Variants in AK8 observed in about 807,000 individuals in gnomAD.
AK8 encodes the protein ATP-AMP transphosphorylase 8.
A neutral mutation model predicts 54.6 loss-of-function variants in AK8; 44 were observed. The ratio of observed to expected loss-of-function variants is 0.81; its 90% CI spans 0.63 to 1.04. The LOEUF (loss-of-function observed/expected upper bound fraction) is 1.04. AK8 is among the 50% of genes least tolerant of loss of function. AK8 has a pLI of 0.00. For synonymous variants in AK8, 239 were observed against 245.6 expected (o/e 0.97, Z 0.25); for missense variants, 555 against 613.6 (o/e 0.90, Z 1.01).
intron 11 of AK8, among the ~76,000 whole-genome samples, chr9:132,767,643 G>A (rs1308411457): frequency 2.6e-5 from 4 of 152,332 alleles, no homozygotes; most frequent in African/African-American, 9.6e-5. Flanking sequence ...ATATCTAAGA[G>A]ATATCTGCAT....
chr9:132,858,757 GGAGGGGGA>G (rs1409933688), intron 4 of AK8, among the ~76,000 whole-genome samples: 2 of 152,190 alleles, frequency 1.3e-5, no homozygotes, highest in Non-Finnish European at 2.9e-5. Context: ...CTAGAGTTTG[GGAGGGGGA>G]GACAGGAGGG....
Position 132,825,234 on chromosome 9 carries a change from G to A in AK8, c.757+1620C>T, listed in dbSNP as rs1232956098. Among the ~76,000 whole-genome samples the A allele has an allele frequency of 1.3e-5, 2 of 152,166 alleles. 1 individual carries two copies. The highest frequency in any genetic ancestry group is 2.9e-5 in the Non-Finnish European group (2 of 68,038). On this transcript the variant is annotated intron_variant, in intron 8 of 12. Coordinates refer to ENST00000298545, the MANE Select transcript of AK8 (RefSeq NM_152572.3). ...TTATTCTTTTTAAAAATGTGTGGTTGCTGGATGCACTGCAGAGAGATTAGA... is the reference window on the plus strand; with the variant it reads ...TTATTCTTTTTAAAAATGTGTGGTTACTGGATGCACTGCAGAGAGATTAGA...
chr9:132,734,515 C>T (rs1355415411), intron 11 of AK8, among the ~76,000 whole-genome samples: 1 of 152,182 alleles, frequency 6.6e-6, no homozygotes, highest in Non-Finnish European at 1.5e-5. Flanking sequence ...ACAGGAGCAT[C>T]GCTTGAGCTC....
chr9:132,780,425 A>C lies in AK8; in HGVS notation c.1121+12209T>G, dbSNP rs542385639. On this transcript the variant is annotated intron_variant, in intron 11 of 12. Coordinates refer to ENST00000298545, the MANE Select transcript of AK8 (RefSeq NM_152572.3). ...AGCTCTGTTCTCTCTGGCTTTCTGG[A>C]GGAAATGTCTGTGTGGAAGGTCTGT... is the stretch of plus-strand genomic sequence containing the variant. 3.9e-5 allele frequency among the ~76,000 whole-genome samples: 6 copies of C among 152,156 alleles called. No individual in the cohort carries two copies. In the East Asian group the frequency reaches 1.2e-3, roughly 29 times the overall value.
At chr9:132,834,619 C>A (rs1449031824) in intron 5 of AK8, among the ~76,000 whole-genome samples, 1 of 152,160 alleles carries the variant, frequency 6.6e-6, no homozygotes, top group African/African-American at 2.4e-5. Context: ...GAGGTGTGCC[C>A]AGGGCTTTGC....
rs1838922635 is a variant in AK8 at position 132,770,558 on chromosome 9, C to T, written c.1121+22076G>A. 1.3e-5 allele frequency among the ~76,000 whole-genome samples: 2 copies of T among 152,194 alleles called. No individual in the cohort carries two copies. The highest frequency in any genetic ancestry group is 4.8e-5 in the African/African-American group (2 of 41,454). On this transcript the variant is annotated intron_variant, in intron 11 of 12. Transcript: ENST00000298545. This position sits in a 1 kb window ranked among gnomAD's most constrained non-coding sequence, Gnocchi z 4.3. ...GCCCTGCCCCTGGCTGTAACCTGAG[C>T]AGCCCGCGTGAGGGTCAGTGGTGAC...
intron 10 of AK8, among the ~76,000 whole-genome samples, chr9:132,794,811 G>C (rs74511960): frequency 5.9e-5 from 9 of 152,248 alleles, no homozygotes; most frequent in Admixed American, 1.3e-4. Flanking sequence ...CACAAATCCA[G>C]GTCTCATCTC....
chr9:132,828,624 G>A (rs373755904), intron 6 of AK8, 21 bp downstream of exon 6: 179 of 1,603,640 alleles, frequency 1.1e-4, no homozygotes, highest in South Asian at 4.7e-4. Context: ...GGCAGGTGGG[G>A]GACCCTTGGG....
intron 11 of AK8, among the ~76,000 whole-genome samples, chr9:132,774,470 G>C (rs1331626487): frequency 6.6e-6 from 1 of 152,192 alleles, no homozygotes; most frequent in Non-Finnish European, 1.5e-5. Context: ...GAATCTGGCA[G>C]AGGCTCAAGC....
At chr9:132,807,585 G>A (rs1026019174) in intron 10 of AK8, among the ~76,000 whole-genome samples, 13 of 152,202 alleles carry the variant, frequency 8.5e-5, no homozygotes, top group African/African-American at 2.4e-4. Flanking sequence ...AAGAGCCGGC[G>A]TTGTACCATT....
intron 10 of AK8, 30 bp downstream of exon 10, chr9:132,814,608 G>T (rs766958624): frequency 2.5e-6 from 4 of 1,604,422 alleles, no homozygotes; most frequent in Admixed American, 3.4e-5. Context: ...AGCCTGTAAG[G>T]TCATGACAGT....
At chr9:132,752,392 G>A (rs570981928) in intron 11 of AK8, among the ~76,000 whole-genome samples, 1 of 151,852 alleles carries the variant, frequency 6.6e-6, no homozygotes, top group South Asian at 2.1e-4. Context: ...TGGGACTATA[G>A]GCGCCCGCCA....
Position 132,758,353 on chromosome 9 carries a change from T to G in AK8, c.1122-30819A>C, listed in dbSNP as rs181922893. Among the ~76,000 whole-genome samples, 40 of 152,358 alleles carry G rather than the reference T, an allele frequency of 2.6e-4. 1 individual carries two copies. The highest frequency in any genetic ancestry group is 2.2e-3 in the Admixed American group (34 of 15,300). ...TACTCATCCATATCCTCATCAGTAC[T>G]TGGTTTGGACAGACTTAATGTTTGA... On this transcript the variant is annotated intron_variant, in intron 11 of 12. Coordinates refer to ENST00000298545, the MANE Select transcript of AK8 (RefSeq NM_152572.3).
At chr9:132,814,187 G>T (rs1047398340) in intron 10 of AK8, among the ~76,000 whole-genome samples, 1 of 148,208 alleles carries the variant, frequency 6.7e-6, no homozygotes, top group African/African-American at 2.5e-5. Flanking sequence ...GCTGAGGTGG[G>T]AGGATAACCT....
chr9:132,875,026 G>A lies in AK8; in HGVS notation c.169+89C>T. 2.0e-6 allele frequency: 3 copies of A among 1,517,058 alleles called. No homozygotes were observed. In the African/African-American group the frequency reaches 4.1e-5, roughly 21 times the overall value. 94.0% of individuals were successfully genotyped at this position (1,517,058 alleles called of 1,614,324 possible). A position where few individuals can be genotyped will look rare whatever the true frequency, so the allele number is the denominator to read the frequency against. ...GGGCAGGGTTCCTGGAGAGGAAGAG[G>A]AGGAGGAGGCAGAGGAGTCAGGGAA... On this transcript the variant is annotated intron_variant, in intron 2 of 12. Transcript: ENST00000298545.
chr9:132,874,834 G>T (rs1446193637), intron 2 of AK8, among the ~76,000 whole-genome samples: 1 of 152,200 alleles, frequency 6.6e-6, no homozygotes, highest in Non-Finnish European at 1.5e-5. Context: ...GGGTCATTCT[G>T]GGGTTTTCAT....
chr9:132,761,818 C>G (rs1838486578), intron 11 of AK8, among the ~76,000 whole-genome samples: 1 of 151,110 alleles, frequency 6.6e-6, no homozygotes, highest in Non-Finnish European at 1.5e-5. Flanking sequence ...CTCCTTCTCT[C>G]TCTCTCCCTC....
In AK8 at chr9:132,875,167, G is replaced by A. The variant is rs776790710; in HGVS notation, c.117C>T (p.Pro39=). The A allele has an allele frequency of 1.1e-5, 18 of 1,614,012 alleles. No homozygotes were observed. Among genetic ancestry groups the A allele is most frequent in the Admixed American group, 8.3e-5 (5 of 60,006 alleles). Residue 39 remains proline (P), a synonymous_variant, in exon 2 of 13, where the codon CCC becomes CCT. Transcript: ENST00000298545. ...GGATCATGAAGGGGATGGGATCTTC[G>A]GGCTGGTGGATCAGGAGTTGCTCCA... ...NMLEQLLIHQ[P]EDPIPFMIQH... is the part of the protein sequence containing the mutation.
intron 10 of AK8, among the ~76,000 whole-genome samples, chr9:132,800,712 A>T (rs75582410): frequency 0.023 from 3,457 of 152,268 alleles, 133 homozygotes; most frequent in African/African-American, 0.079. Flanking sequence ...AGACCAGAGA[A>T]GTCAGTACAT....
Sources: allele counts gnomAD v4.1 joint callset (sites outside exome capture counted in the v4.1 genomes callset), GRCh38; gene constraint gnomAD v4.1.1; non-coding constraint Gnocchi (gnomAD v3.1); transcripts MANE v1.5; gene names NCBI Gene and HGNC (gene_info 2026-07-23, HGNC 2026-07-21).